Variants in MOB3B observed in about 807,000 individuals in gnomAD.
MOB3B encodes the protein MOB kinase activator-like 2B.
In MOB3B, 7 loss-of-function variants were observed where a neutral mutation model predicts 18.7. The ratio of observed to expected loss-of-function variants is 0.37; its 90% CI spans 0.21 to 0.70. MOB3B has a LOEUF of 0.70. Among genes scored for constraint, MOB3B ranks in the 30% least tolerant of loss-of-function variants. The probability of loss-of-function intolerance (pLI) is 0.52; values close to 1 mark genes in which losing one functional copy is unlikely to be tolerated. For synonymous variants in MOB3B, 111 were observed against 99.9 expected (o/e 1.11, Z -0.66); for missense variants, 253 against 281.3 (o/e 0.90, Z 0.72).
chr9:27,392,163 A>G (rs530826439), intron 2 of MOB3B, among the ~76,000 whole-genome samples: 2 of 152,334 alleles, frequency 1.3e-5, no homozygotes, highest in African/African-American at 4.8e-5. Flanking sequence ...GGGCTCCAGA[A>G]TCTAATATTT....
At chr9:27,415,801 C>T (rs1343682846) in intron 2 of MOB3B, among the ~76,000 whole-genome samples, 1 of 152,166 alleles carries the variant, frequency 6.6e-6, no homozygotes, top group Non-Finnish European at 1.5e-5. Context: ...TAAGTGTCCC[C>T]TTAACTGAAG....
chr9:27,337,668 G>C (rs1026468094), intron 3 of MOB3B, among the ~76,000 whole-genome samples: 1 of 152,172 alleles, frequency 6.6e-6, no homozygotes, highest in Non-Finnish European at 1.5e-5. Flanking sequence ...CAAGGGATTC[G>C]GGTTCTCAGC....
At chr9:27,514,345 C>CAAAAAAAAAAAAAA (rs34526085) in intron 1 of MOB3B, among the ~76,000 whole-genome samples, 7 of 77,602 alleles carry the variant, frequency 9.0e-5, no homozygotes, top group East Asian at 4.0e-4. Context: ...ACCACAAGCT[C>CAAAAAAAAAAAAAA]AAAAAAAAAA....
intron 2 of MOB3B, among the ~76,000 whole-genome samples, chr9:27,360,842 G>A (rs990628723): frequency 1.3e-5 from 2 of 152,226 alleles, no homozygotes; most frequent in Non-Finnish European, 2.9e-5. Flanking sequence ...AACCCAGGGA[G>A]AAGTTCTGGC....
chr9:27,391,164 G>T (rs1236496288), intron 2 of MOB3B, among the ~76,000 whole-genome samples: 1 of 152,204 alleles, frequency 6.6e-6, no homozygotes, highest in African/African-American at 2.4e-5. Flanking sequence ...CTGAAACGAG[G>T]TCTTGGGAAG....
intron 1 of MOB3B, among the ~76,000 whole-genome samples, chr9:27,525,804 A>G (rs143232513): frequency 5.3e-4 from 81 of 152,366 alleles, no homozygotes; most frequent in South Asian, 2.9e-3. Context: ...TCCTAGTTAG[A>G]AGACTACATT....
At chr9:27,375,787 G>C (rs886628626) in intron 2 of MOB3B, among the ~76,000 whole-genome samples, 1 of 152,054 alleles carries the variant, frequency 6.6e-6, no homozygotes, top group African/African-American at 2.4e-5. Context: ...GGTCCCAAAG[G>C]CATTAGCACC....
At chr9:27,529,040 G>A (rs997562734) in intron 1 of MOB3B, among the ~76,000 whole-genome samples, 1 of 152,078 alleles carries the variant, frequency 6.6e-6, no homozygotes, top group African/African-American at 2.4e-5. Flanking sequence ...CCCCGGGGGC[G>A]ACCTGGCTGA....
chr9:27,377,994 A>G (rs1168580808), intron 2 of MOB3B, among the ~76,000 whole-genome samples: 3 of 152,244 alleles, frequency 2.0e-5, no homozygotes, highest in Non-Finnish European at 2.9e-5. Context: ...CCTTCCCCCA[A>G]GAAGCCAACA....
intron 3 of MOB3B, among the ~76,000 whole-genome samples, chr9:27,342,381 AGAGTG>A (rs1477841014): frequency 6.6e-6 from 1 of 152,188 alleles, no homozygotes; most frequent in African/African-American, 2.4e-5. Context: ...TTCTAAAACA[AGAGTG>A]GAGTGAACTC....
rs536716885 is a variant in MOB3B, at chr9:27,481,511, G to GTTT, written c.-198-25766_-198-25764dup. On this transcript the variant is annotated intron_variant, in intron 1 of 3. Transcript: ENST00000262244. ...TAAGGAAGGTAGTTTTTTTTTTTTT[G>GTTT]TTTTTTTTGTTTTTTTTTTTTTTTG... 1.9e-3 allele frequency among the ~76,000 whole-genome samples: 129 copies of GTTT among 69,696 alleles called. 3 individuals carry two copies. The highest frequency in any genetic ancestry group is 2.6e-3 in the Non-Finnish European group (70 of 26,608). 45.7% of individuals were successfully genotyped at this position (69,696 alleles called of 152,430 possible). A position where few individuals can be genotyped will look rare whatever the true frequency, so the allele number is the denominator to read the frequency against.
At chr9:27,472,314 G>T (rs186022860) in intron 1 of MOB3B, among the ~76,000 whole-genome samples, 1 of 151,108 alleles carries the variant, frequency 6.6e-6, no homozygotes, top group Non-Finnish European at 1.5e-5. Context: ...AGTCTCCAAA[G>T]GCCTCAGGAA....
chr9:27,487,132 A>AAAATTAAT (rs112382100), intron 1 of MOB3B, among the ~76,000 whole-genome samples: 3 of 145,164 alleles, frequency 2.1e-5, no homozygotes, highest in African/African-American at 7.7e-5. Context: ...TTCTGTCTCA[A>AAAATTAAT]AAATAAATAA....
intron 2 of MOB3B, among the ~76,000 whole-genome samples, chr9:27,402,331 C>T (rs1002220371): frequency 6.6e-6 from 1 of 152,142 alleles, no homozygotes; most frequent in Non-Finnish European, 1.5e-5. Context: ...TCCATGAGAG[C>T]CTGGACTCGG....
chr9:27,512,158 C>T (rs952253404), intron 1 of MOB3B, among the ~76,000 whole-genome samples: 2 of 152,174 alleles, frequency 1.3e-5, no homozygotes, highest in African/African-American at 4.8e-5. Context: ...GTCTATGTCC[C>T]TGACCACTGC....
intron 1 of MOB3B, among the ~76,000 whole-genome samples, chr9:27,503,422 T>C (rs1820016657): frequency 6.6e-6 from 1 of 152,162 alleles, no homozygotes; most frequent in Non-Finnish European, 1.5e-5. Context: ...TTACCATAAA[T>C]GAAAATCAAA....
At chr9:27,504,134 A>G (rs1028055302) in intron 1 of MOB3B, among the ~76,000 whole-genome samples, 1 of 152,256 alleles carries the variant, frequency 6.6e-6, no homozygotes. Flanking sequence ...GCTCAACTTT[A>G]AATTCATACA....
chr9:27,415,600 G>A (rs1822132622), intron 2 of MOB3B, among the ~76,000 whole-genome samples: 1 of 152,016 alleles, frequency 6.6e-6, no homozygotes, highest in Admixed American at 6.6e-5. Flanking sequence ...TAAATGAGAG[G>A]CACTTACATT....
At chr9:27,418,095 A>AAAAAAAAAAAAAAAAAAAAAAAAAG in intron 2 of MOB3B, among the ~76,000 whole-genome samples, 1 of 132,972 alleles carries the variant, frequency 7.5e-6, no homozygotes, top group Non-Finnish European at 1.6e-5. Flanking sequence ...CCACCTCAAA[A>AAAAAAAAAAAAAAAAAAAAAAAAAG]AAAAAAAAAA....
Sources: allele counts gnomAD v4.1 joint callset (sites outside exome capture counted in the v4.1 genomes callset), GRCh38; gene constraint gnomAD v4.1.1; transcripts MANE v1.5; gene names NCBI Gene and HGNC (gene_info 2026-07-23, HGNC 2026-07-21).